Variants in TSPAN11 observed in about 807,000 individuals in gnomAD.
TSPAN11 encodes the protein tetraspanin-11.
TSPAN11 carries 29 observed loss-of-function variants against 32.9 expected under a neutral mutation model. That is an observed-to-expected ratio of 0.88 (90% CI 0.66 to 1.20). TSPAN11 has a LOEUF of 1.20. Ranked by LOEUF, TSPAN11 falls within the 50% of genes most tolerant of loss-of-function variation. The pLI, the probability that TSPAN11 is intolerant of heterozygous loss-of-function variation, is 0.00. For missense variants in TSPAN11, 283 were observed against 329.1 expected (o/e 0.86, Z 1.08); for synonymous variants, 140 against 141.3 (o/e 0.99, Z 0.07).
chr12:30,998,910 G>T (rs1177951659), downstream of TSPAN11: 4 of 152,180 alleles, frequency 2.6e-5, no homozygotes, highest in Non-Finnish European at 4.4e-5. Context: ...AGAAGGTTGG[G>T]TCATTTTAGG....
intron 3 of TSPAN11, among the ~76,000 whole-genome samples, chr12:30,969,419 G>A (rs1263557823): frequency 2.0e-5 from 3 of 152,172 alleles, no homozygotes; most frequent in Non-Finnish European, 4.4e-5. Context: ...GGGGAACCCC[G>A]ACCCCTCTCC....
intron 1 of TSPAN11, among the ~76,000 whole-genome samples, chr12:30,948,160 T>C (rs533008534): frequency 5.7e-4 from 87 of 152,310 alleles, no homozygotes; most frequent in Non-Finnish European, 1.0e-4. Flanking sequence ...GCAGCTCTGC[T>C]CCTATGGCTT....
intron 3 of TSPAN11, among the ~76,000 whole-genome samples, chr12:30,972,247 C>T (rs1938866673): frequency 6.6e-6 from 1 of 152,096 alleles, no homozygotes; most frequent in Admixed American, 6.6e-5. Context: ...TCAGGTCACA[C>T]CAAGGGCACA....
chr12:31,015,643 C>T, the TSPAN11 span: 1 of 152,238 alleles, frequency 6.6e-6, no homozygotes, highest in Non-Finnish European at 1.5e-5. The surrounding 1 kb of genome is among the most constrained non-coding windows in gnomAD (Gnocchi z 4.9). Context: ...TCAGTGAATC[C>T]GACCATTGTC....
At chr12:30,947,427 A>G (rs373495778) in intron 1 of TSPAN11, among the ~76,000 whole-genome samples, 1 of 152,072 alleles carries the variant, frequency 6.6e-6, no homozygotes, top group African/African-American at 2.4e-5. Context: ...GTCCGTTTTC[A>G]TGCTGCTGAT....
chr12:30,963,497 G>A (rs745675797), intron 2 of TSPAN11, among the ~76,000 whole-genome samples: 1 of 152,164 alleles, frequency 6.6e-6, no homozygotes, highest in African/African-American at 2.4e-5. Context: ...AGAAGCAAAG[G>A]GACTCAGATA....
At chr12:31,003,633 A>C in the TSPAN11 span, among the ~76,000 whole-genome samples, 1 of 152,140 alleles carries the variant, frequency 6.6e-6, no homozygotes, top group South Asian at 2.1e-4. Context: ...TCAGAAACAC[A>C]TGATGCTCCA....
the TSPAN11 span, among the ~76,000 whole-genome samples, chr12:31,010,210 A>G: frequency 6.6e-6 from 1 of 152,146 alleles, no homozygotes; most frequent in African/African-American, 2.4e-5. Context: ...GCAGGAACCC[A>G]AGGCTCAGAG....
At chr12:30,987,910 C>CA (rs1611055) in intron 7 of TSPAN11, among the ~76,000 whole-genome samples, 81,746 of 152,138 alleles carry the variant, frequency 0.54, 24,035 homozygotes, top group East Asian at 0.91. Flanking sequence ...GAATTATTTT[C>CA]AGGAGACACA....
At chr12:30,957,836 C>T (rs1188439242) in intron 2 of TSPAN11, among the ~76,000 whole-genome samples, 1 of 50,538 alleles carries the variant, frequency 2.0e-5, no homozygotes, top group Non-Finnish European at 4.1e-5. Flanking sequence ...TCCCTCCCTC[C>T]CTCCTTCCTT....
chr12:30,961,035 A>AG (rs1938602333), intron 2 of TSPAN11, among the ~76,000 whole-genome samples: 1 of 151,346 alleles, frequency 6.6e-6, no homozygotes, highest in African/African-American at 2.4e-5. Context: ...CGAGGAAAAA[A>AG]AAAAAAAAGA....
chr12:30,989,914 G>A (rs1354034686), intron 7 of TSPAN11, among the ~76,000 whole-genome samples: 1 of 152,158 alleles, frequency 6.6e-6, no homozygotes, highest in Non-Finnish European at 1.5e-5. Context: ...GATAGCACCA[G>A]GCACCATGTG....
At chr12:30,987,495 T>C (rs1217991358) in intron 7 of TSPAN11, among the ~76,000 whole-genome samples, 1 of 152,098 alleles carries the variant, frequency 6.6e-6, no homozygotes, top group Non-Finnish European at 1.5e-5. Context: ...TAATCCCAGC[T>C]ACTCAGAAGG....
chr12:30,929,969 T>A (rs1474777918), intron 1 of TSPAN11, among the ~76,000 whole-genome samples: 1 of 152,118 alleles, frequency 6.6e-6, no homozygotes, highest in African/African-American at 2.4e-5. Context: ...ACCGTGCCCA[T>A]GATAGAGGAG....
intron 2 of TSPAN11, among the ~76,000 whole-genome samples, chr12:30,956,111 G>A (rs565663050): frequency 1.3e-5 from 2 of 152,162 alleles, no homozygotes; most frequent in Non-Finnish European, 2.9e-5. Context: ...GGATTTATAA[G>A]GTGAAATTGT....
chr12:30,978,895 T>C, intron 4 of TSPAN11: 1 of 497,862 alleles, frequency 2.0e-6, no homozygotes, highest in Non-Finnish European at 3.6e-6. Flanking sequence ...GCGTCATCCC[T>C]CTCCCCTTCC....
chr12:31,015,551 T>G, the TSPAN11 span: 1 of 152,200 alleles, frequency 6.6e-6, no homozygotes, highest in Non-Finnish European at 1.5e-5. This position sits in a 1 kb window ranked among gnomAD's most constrained non-coding sequence, Gnocchi z 4.9. Context: ...TGACTTCTTC[T>G]TGCTTCTCCC....
chr12:30,984,625 C>T (rs1939165266), intron 7 of TSPAN11, among the ~76,000 whole-genome samples: 1 of 147,554 alleles, frequency 6.8e-6, no homozygotes. Flanking sequence ...GTGGTGCCAC[C>T]TCAGCTCACT....
At chr12:30,933,896 A>T (rs1405501979) in intron 1 of TSPAN11, among the ~76,000 whole-genome samples, 2 of 152,170 alleles carry the variant, frequency 1.3e-5, no homozygotes, top group African/African-American at 4.8e-5. Context: ...CTAGACAGCC[A>T]TGAGGAGCCA....
Sources: allele counts gnomAD v4.1 joint callset (sites outside exome capture counted in the v4.1 genomes callset), GRCh38; gene constraint gnomAD v4.1.1; non-coding constraint Gnocchi (gnomAD v3.1); transcripts MANE v1.5; gene names NCBI Gene and HGNC (gene_info 2026-07-23, HGNC 2026-07-21).